Variants in COL27A1 observed in about 807,000 individuals in gnomAD.
COL27A1 encodes collagen alpha-1(XXVII) chain.
Under a neutral mutation model 251.3 loss-of-function variants are expected in COL27A1, and 106 were observed. The ratio of observed to expected loss-of-function variants is 0.42; its 90% CI spans 0.36 to 0.50. The LOEUF is 0.50. Ranked by LOEUF, COL27A1 falls within the 20% of genes least tolerant of loss-of-function variation. The pLI is 0.00. For synonymous variants in COL27A1, 1,000 were observed against 986.3 expected, an observed-to-expected ratio of 1.01 and a Z score of -0.26; for missense variants, 2,325 against 2,522.8, an observed-to-expected ratio of 0.92 and a Z score of 1.68.
intron 54 of COL27A1, 83 bp from the exon 55 acceptor site, chr9:114,301,599 A>G (rs765298092): frequency 3.6e-5 from 55 of 1,529,980 alleles, no homozygotes; most frequent in Non-Finnish European, 4.7e-5. Context: ...CCTGGGTCCC[A>G]GGTCTGCTTG....
At chr9:114,158,302 T>G (rs1368238665) in intron 1 of COL27A1, among the ~76,000 whole-genome samples, 7 of 152,226 alleles carry the variant, frequency 4.6e-5, no homozygotes, top group Non-Finnish European at 1.5e-5. Context: ...TGTGGGTTTC[T>G]AAGATCCTGT....
intron 52 of COL27A1, 72 bp from the exon 53 acceptor site, chr9:114,301,212 G>A: frequency 6.2e-7 from 1 of 1,610,710 alleles, no homozygotes; most frequent in Admixed American, 1.7e-5. Flanking sequence ...GCCAGTCTGA[G>A]CCTCAGTTTC....
At chr9:114,255,433 G>A (rs761954353) in intron 27 of COL27A1, among the ~76,000 whole-genome samples, 6 of 152,180 alleles carry the variant, frequency 3.9e-5, no homozygotes, top group African/African-American at 1.2e-4. Context: ...CACCTCAGCC[G>A]TCCTGGGCCT....
At chr9:114,232,810 T>C (rs1482158602) in intron 16 of COL27A1, among the ~76,000 whole-genome samples, 1 of 152,212 alleles carries the variant, frequency 6.6e-6, no homozygotes, top group African/African-American at 2.4e-5. Flanking sequence ...CAGTGGCTCA[T>C]GCCTATAATC....
At chr9:114,204,034 G>A (rs1484675861) in intron 7 of COL27A1, among the ~76,000 whole-genome samples, 1 of 152,128 alleles carries the variant, frequency 6.6e-6, no homozygotes, top group Admixed American at 6.5e-5. Flanking sequence ...GCAGCACATA[G>A]AGAGGGTCTA....
At chr9:114,160,142 C>A (rs1296315642) in intron 1 of COL27A1, among the ~76,000 whole-genome samples, 1 of 147,336 alleles carries the variant, frequency 6.8e-6, no homozygotes, top group Non-Finnish European at 1.5e-5. Context: ...TGGGAAGACA[C>A]TTTTTAAAGT....
intron 56 of COL27A1, among the ~76,000 whole-genome samples, 158 bp downstream of exon 56, chr9:114,302,266 G>A (rs575711466): frequency 5.1e-4 from 78 of 152,332 alleles, no homozygotes; most frequent in Non-Finnish European, 9.6e-4. Flanking sequence ...ACTTGGACCC[G>A]GAAGCAACAG....
intron 49 of COL27A1, 148 bp downstream of exon 49, chr9:114,292,358 A>C: frequency 1.5e-6 from 1 of 676,210 alleles, no homozygotes; most frequent in South Asian, 1.8e-5. Context: ...ACAAGGTATA[A>C]AATCTGGGTA....
At chr9:114,217,008 G>A (rs187401720) in intron 12 of COL27A1, among the ~76,000 whole-genome samples, 1 of 152,244 alleles carries the variant, frequency 6.6e-6, no homozygotes, top group East Asian at 1.9e-4. Context: ...GCTATGCCAG[G>A]GCTGTGTGAC....
intron 56 of COL27A1, among the ~76,000 whole-genome samples, chr9:114,302,559 T>A (rs966437810): frequency 3.3e-5 from 5 of 151,952 alleles, no homozygotes; most frequent in Non-Finnish European, 5.9e-5. Flanking sequence ...AAACCCTGTC[T>A]CTACTAAAAA....
At chr9:114,301,223 C>G in intron 52 of COL27A1, 61 bp from the exon 53 acceptor site, 1 of 1,610,018 alleles carries the variant, frequency 6.2e-7, no homozygotes, top group South Asian at 1.1e-5. Context: ...CCTCAGTTTC[C>G]TCATCTGGAA....
chr9:114,274,214 C>T (rs1418347539), intron 36 of COL27A1: 1 of 138,292 alleles, frequency 7.2e-6, no homozygotes, highest in African/African-American at 2.7e-5. Context: ...GCCTGGGCAA[C>T]AGAATGAGAT....
In COL27A1 at chr9:114,168,517, C is replaced by T. The variant is rs370111154; in HGVS notation, c.962C>T (p.Pro321Leu). Residue 321 changes from proline to leucine, a missense_variant, in exon 3 of 61, where the codon CCG becomes CTG. Around this residue, in one of 4 missense-constraint regions of COL27A1, gnomAD observed 1,183 missense variants for 1,144.1 expected, o/e 1.03. Transcript: ENST00000356083. Reference protein sequence around the residue: ...HMAVGGPAQTPLLPAKLSASN... With the variant: ...HMAVGGPAQTLLLPAKLSASN... Reference sequence around the variant, plus strand: ...GCGGTGGGAGGCCCAGCCCAAACCCCGCTGCTACCTGCCAAGCTGTCAGCC... The same window carrying T: ...GCGGTGGGAGGCCCAGCCCAAACCCTGCTGCTACCTGCCAAGCTGTCAGCC... 45 of 1,613,834 alleles carry T rather than the reference C, an allele frequency of 2.8e-5. No homozygotes were observed. Among genetic ancestry groups the T allele is most frequent in the South Asian group, 1.5e-4 (14 of 91,072 alleles).
chr9:114,237,115 C>T, intron 18 of COL27A1, 81 bp downstream of exon 18: 1 of 1,352,422 alleles, frequency 7.4e-7, no homozygotes, highest in Non-Finnish European at 1.0e-6. Flanking sequence ...ACCTTCACCT[C>T]CAAGACTTCA....
chr9:114,301,740 C>T (rs557875500), intron 55 of COL27A1, 23 bp downstream of exon 55: 1 of 1,609,898 alleles, frequency 6.2e-7, no homozygotes, highest in Admixed American at 1.7e-5. Flanking sequence ...GTGCTGGGTG[C>T]ATCTTGGACT....
At chr9:114,293,985 T>A (rs1271703404) in intron 49 of COL27A1, among the ~76,000 whole-genome samples, 1 of 151,442 alleles carries the variant, frequency 6.6e-6, no homozygotes, top group Non-Finnish European at 1.5e-5. Flanking sequence ...ACGCCTGTAA[T>A]CCCAACACTT....
Position 114,312,185 on chromosome 9 carries a change from G to A in COL27A1, c.*1490G>A, listed in dbSNP as rs1829489605. 6.6e-6 allele frequency: 1 copy of A among 152,194 alleles called. No homozygotes were observed. Among genetic ancestry groups the A allele is most frequent in the Admixed American group, 6.5e-5 (1 of 15,286 alleles). 9.4% of individuals were successfully genotyped at this position (152,194 alleles called of 1,614,324 possible). ...ATTTGTGTATTTCTCTCCTAAAGTT[G>A]TGTCTCTTTGGGAATTGGATTTGAT... On this transcript the variant is annotated 3_prime_UTR_variant, in exon 61 of 61. Coordinates refer to ENST00000356083, the MANE Select transcript of COL27A1 (RefSeq NM_032888.4).
intron 48 of COL27A1, 138 bp from the exon 49 acceptor site, chr9:114,291,965 C>T: frequency 2.7e-6 from 2 of 749,300 alleles, no homozygotes; most frequent in Non-Finnish European, 4.6e-6. Context: ...CACCAGGCCT[C>T]CATTTGTTGC....
intron 41 of COL27A1, 54 bp downstream of exon 41, chr9:114,284,831 C>T: frequency 6.3e-7 from 1 of 1,591,672 alleles, no homozygotes; most frequent in Non-Finnish European, 8.6e-7. Context: ...AGGCTGAGGT[C>T]AGCTTCAGGG....
Sources: gnomAD v4.1 joint callset for allele counts (sites outside exome capture counted in the v4.1 genomes callset) on GRCh38, gnomAD v4.1.1 for gene constraint, gnomAD v4.1.1 regional missense constraint, MANE v1.5 for transcripts, NCBI Gene and HGNC (gene_info 2026-07-23, HGNC 2026-07-21) for gene names.